ENOX1: variants seen among roughly 807,000 people sequenced by gnomAD.
The protein encoded by ENOX1 is candidate growth-related and time keeping constitutive hydroquinone (NADH) oxidase.
ENOX1 carries 42 observed loss-of-function variants against 82.5 expected under a neutral mutation model. The ratio of observed to expected loss-of-function variants is 0.51; its 90% CI spans 0.40 to 0.66. ENOX1 has a LOEUF of 0.66. Ranked by LOEUF, ENOX1 falls within the 30% of genes least tolerant of loss-of-function variation. The probability of loss-of-function intolerance (pLI) is 0.00; values close to 1 mark genes in which losing one functional copy is unlikely to be tolerated. For missense variants in ENOX1, 608 were observed against 811.6 expected (o/e 0.75, Z 3.05); for synonymous variants, 271 against 282.2 (o/e 0.96, Z 0.40).
At chr13:43,474,416 G>A (rs980132657) in intron 3 of ENOX1, among the ~76,000 whole-genome samples, 2 of 152,122 alleles carry the variant, frequency 1.3e-5, no homozygotes, top group African/African-American at 4.8e-5. Flanking sequence ...TATGTCTCAA[G>A]TATTAAGAGC....
intron 3 of ENOX1, among the ~76,000 whole-genome samples, chr13:43,414,557 T>C (rs1010759541): frequency 2.0e-5 from 3 of 152,220 alleles, no homozygotes; most frequent in Admixed American, 1.3e-4. Context: ...CTAACCTAAA[T>C]GTCTGGTCTA....
intron 2 of ENOX1, among the ~76,000 whole-genome samples, chr13:43,506,490 A>G (rs2077170078): frequency 7.1e-6 from 1 of 141,200 alleles, no homozygotes; most frequent in African/African-American, 2.5e-5. Flanking sequence ...TACTGGGTAT[A>G]TACCCAAAGG....
At chr13:43,465,054 GCCTGATTTATCATGGTGATGTTAAC>G (rs1203830641) in intron 3 of ENOX1, among the ~76,000 whole-genome samples, 1 of 152,130 alleles carries the variant, frequency 6.6e-6, no homozygotes, top group African/African-American at 2.4e-5. Context: ...AATGACATCA[GCCTGATTTATCATGGTGATGTTAAC>G]CTTGATCACC....
At chr13:43,705,330 C>CTATA (rs60687265) in intron 1 of ENOX1, among the ~76,000 whole-genome samples, 25,801 of 129,414 alleles carry the variant, frequency 0.2, 2,869 homozygotes, top group South Asian at 0.24. Context: ...CTCTCTCTCT[C>CTATA]TATATATATA....
chr13:43,294,907 T>C (rs990476601), intron 12 of ENOX1, among the ~76,000 whole-genome samples: 2 of 152,162 alleles, frequency 1.3e-5, no homozygotes, highest in Middle Eastern at 3.2e-3. Flanking sequence ...CCTTATATGA[T>C]ATTCTGGAAA....
At chr13:43,561,790 G>A (rs1321464014) in intron 2 of ENOX1, among the ~76,000 whole-genome samples, 1 of 152,022 alleles carries the variant, frequency 6.6e-6, no homozygotes, top group African/African-American at 2.4e-5. Context: ...AGACCAGCTT[G>A]GGCTACATGG....
chr13:43,431,576 A>C (rs2055666084), intron 3 of ENOX1, among the ~76,000 whole-genome samples: 1 of 152,178 alleles, frequency 6.6e-6, no homozygotes, highest in Non-Finnish European at 1.5e-5. Flanking sequence ...ACCTTTTAAA[A>C]ATGTTTTTCT....
At chr13:43,520,475 C>T (rs551350653) in intron 2 of ENOX1, among the ~76,000 whole-genome samples, 3 of 152,216 alleles carry the variant, frequency 2.0e-5, no homozygotes, top group African/African-American at 4.8e-5. Flanking sequence ...AAAAACTCTC[C>T]GGTATCACTA....
At chr13:43,319,586 A>G in intron 11 of ENOX1, among the ~76,000 whole-genome samples, 1 of 152,272 alleles carries the variant, frequency 6.6e-6, no homozygotes, top group Non-Finnish European at 1.5e-5. Context: ...AACCCATTAC[A>G]GGGTACTTTT....
intron 15 of ENOX1, among the ~76,000 whole-genome samples, chr13:43,234,338 T>C (rs1566297556): frequency 6.6e-6 from 1 of 152,196 alleles, no homozygotes; most frequent in Non-Finnish European, 1.5e-5. Context: ...ATCACATCTG[T>C]TGCCAAACTG....
chr13:43,616,536 G>A (rs1206460712), intron 2 of ENOX1, among the ~76,000 whole-genome samples: 1 of 151,600 alleles, frequency 6.6e-6, no homozygotes, highest in Non-Finnish European at 1.5e-5. Flanking sequence ...TCAATACACT[G>A]GGAAACATTT....
intron 2 of ENOX1, among the ~76,000 whole-genome samples, chr13:43,635,794 A>G (rs2083392545): frequency 6.6e-6 from 1 of 152,162 alleles, no homozygotes; most frequent in South Asian, 2.1e-4. Flanking sequence ...GAGCACACAC[A>G]TGCACTGAAA....
At chr13:43,327,356 T>A (rs185984252) in intron 9 of ENOX1, among the ~76,000 whole-genome samples, 95 of 152,352 alleles carry the variant, frequency 6.2e-4, no homozygotes, top group African/African-American at 2.1e-3. Context: ...AATTTAGTAC[T>A]TCTGCTGCTT....
At chr13:43,224,271 A>G in intron 15 of ENOX1, 133 bp from the exon 16 acceptor site, 3 of 655,624 alleles carry the variant, frequency 4.6e-6, no homozygotes, top group Non-Finnish European at 8.1e-6. Context: ...AGCACTCAAC[A>G]AGCATTCAAT....
chr13:43,218,900 AG>A (rs1209327352), intron 16 of ENOX1, among the ~76,000 whole-genome samples: 1 of 152,186 alleles, frequency 6.6e-6, no homozygotes, highest in Non-Finnish European at 1.5e-5. Context: ...CACTTACTTC[AG>A]TTCTGTTCTC....
chr13:43,473,419 G>A (rs773498805), intron 3 of ENOX1, among the ~76,000 whole-genome samples: 9 of 152,036 alleles, frequency 5.9e-5, no homozygotes, highest in African/African-American at 1.2e-4. Flanking sequence ...GGCATTGTTC[G>A]GTAACTAACA....
chr13:43,510,822 G>T (rs1186397987), intron 2 of ENOX1, among the ~76,000 whole-genome samples: 1 of 152,042 alleles, frequency 6.6e-6, no homozygotes, highest in Non-Finnish European at 1.5e-5. Context: ...CTAACTTATA[G>T]GGTTGTGATA....
At chr13:43,585,647 A>G (rs951653818) in intron 2 of ENOX1, among the ~76,000 whole-genome samples, 71 of 152,256 alleles carry the variant, frequency 4.7e-4, no homozygotes, top group African/African-American at 1.6e-3. Flanking sequence ...GCGCGATCTC[A>G]GCTCACTGCA....
At chr13:43,523,976 C>T (rs1415633522) in intron 2 of ENOX1, among the ~76,000 whole-genome samples, 1 of 152,090 alleles carries the variant, frequency 6.6e-6, no homozygotes, top group Non-Finnish European at 1.5e-5. Context: ...TGTTCTTCAC[C>T]TAACACAGAG....
Sources: gnomAD v4.1 joint callset for allele counts (sites outside exome capture counted in the v4.1 genomes callset) on GRCh38, gnomAD v4.1.1 for gene constraint, MANE v1.5 for transcripts, NCBI Gene and HGNC (gene_info 2026-07-23, HGNC 2026-07-21) for gene names.